Variants in SF3A1 observed in about 807,000 individuals in gnomAD.
SF3A1 encodes SAP 114.
In SF3A1, 13 loss-of-function variants were observed where a neutral mutation model predicts 89.9. The observed-to-expected ratio is 0.14, with a 90% confidence interval of 0.09 to 0.23. The LOEUF (loss-of-function observed/expected upper bound fraction) is 0.23, where lower values mean the gene tolerates loss of function less well. Ranked by LOEUF, SF3A1 falls within the 10% of genes least tolerant of loss-of-function variation. The pLI is 1.00. For synonymous variants in SF3A1, 405 were observed against 374.4 expected (o/e 1.08, Z -0.94); for missense variants, 604 against 1,022.1 (o/e 0.59, Z 5.58).
intron 2 of SF3A1, among the ~76,000 whole-genome samples, chr22:30,347,020 T>C (rs1177289815): frequency 6.6e-6 from 1 of 152,166 alleles, no homozygotes; most frequent in Non-Finnish European, 1.5e-5. Flanking sequence ...GTGTAAAAGG[T>C]ACATGAGCAC....
intron 1 of SF3A1, among the ~76,000 whole-genome samples, chr22:30,354,189 T>C (rs1931688948): frequency 6.6e-6 from 1 of 152,132 alleles, no homozygotes; most frequent in Non-Finnish European, 1.5e-5. Context: ...AGAAACGAAG[T>C]TTCTCCTCTG....
In SF3A1 at chr22:30,335,667, G is replaced by A; in HGVS notation, c.2193C>T (p.Leu731=). 6.2e-7 allele frequency: 1 copy of A among 1,614,202 alleles called. No homozygotes were observed. Among genetic ancestry groups the A allele is most frequent in the Non-Finnish European group, 8.5e-7 (1 of 1,180,010 alleles). The change falls in exon 14 of 16, where the codon CTC becomes CTT. Residue 731 remains leucine, a synonymous_variant. Transcript: ENST00000215793. ...GTACCCATACCTGGTCCGTGAGTGGGAGGGTGAAGACCAGCACCTGCCCAT... is the reference window on the plus strand; with the variant it reads ...GTACCCATACCTGGTCCGTGAGTGGAAGGGTGAAGACCAGCACCTGCCCAT... ...KLNGQVLVFT[L]PLTDQVSVIK...
At chr22:30,336,525 C>T (rs1454208179) in intron 13 of SF3A1, among the ~76,000 whole-genome samples, 1 of 152,144 alleles carries the variant, frequency 6.6e-6, no homozygotes, top group African/African-American at 2.4e-5. Context: ...GGGGCTGTTT[C>T]TGTCTCCTTA....
intron 1 of SF3A1, among the ~76,000 whole-genome samples, chr22:30,354,721 T>C (rs906362508): frequency 6.6e-6 from 1 of 152,166 alleles, no homozygotes; most frequent in East Asian, 1.9e-4. Flanking sequence ...TGCCAGAAAG[T>C]TGGGGGCTCC....
Position 30,337,777 on chromosome 22 carries a change from G to T in SF3A1, c.1864C>A (p.His622Asn). The change falls in exon 12 of 16, where the codon CAC becomes AAC. Residue 622 changes from histidine (H) to asparagine (N), a missense_variant. Physicochemically the swap from His to Asn is moderately conservative, Grantham distance 68. Coordinates refer to ENST00000215793, the MANE Select transcript of SF3A1 (RefSeq NM_005877.6). Reference sequence around the variant, plus strand: ...GGCACCACGTTGATTCTGGGCGCGTGGATGATGGGCGGCATGGGGGCGATC... The same window carrying T: ...GGCACCACGTTGATTCTGGGCGCGTTGATGATGGGCGGCATGGGGGCGATC... ...SVIAPMPPII[H>N]APRINVVPMP... 1 of 1,595,944 alleles carries T rather than the reference G, an allele frequency of 6.3e-7. No homozygotes were observed. Among genetic ancestry groups the T allele is most frequent in the Non-Finnish European group, 8.5e-7 (1 of 1,172,790 alleles).
intron 2 of SF3A1, among the ~76,000 whole-genome samples, chr22:30,350,099 A>G (rs1245900606): frequency 2.0e-5 from 3 of 152,086 alleles, no homozygotes; most frequent in Non-Finnish European, 4.4e-5. Flanking sequence ...TCTTCTAAGG[A>G]AACGATCTAA....
intron 13 of SF3A1, among the ~76,000 whole-genome samples, chr22:30,336,395 C>A (rs1311120116): frequency 6.6e-6 from 1 of 152,110 alleles, no homozygotes; most frequent in Non-Finnish European, 1.5e-5. Flanking sequence ...GTGTGTGGTG[C>A]ACACCTGTAA....
In SF3A1 at chr22:30,341,752, C is replaced by T; in HGVS notation, c.1011G>A (p.Glu337=). Residue 337 remains glutamate, a synonymous_variant, in exon 7 of 16, where the codon GAG becomes GAA. Transcript: ENST00000215793. ...GCTGGGAAGGAGGCTCCTCCGCCTT[C>T]TCCTGTTTGTCATCCTCCTCATCAG... ...VESDEEDDKQ[E]KAEEPPSQLD... The T allele has an allele frequency of 1.2e-6, 2 of 1,614,164 alleles. No individual in the cohort carries two copies. Among genetic ancestry groups the T allele is most frequent in the Non-Finnish European group, 1.7e-6 (2 of 1,180,030 alleles).
intron 1 of SF3A1, among the ~76,000 whole-genome samples, chr22:30,355,428 C>T (rs367677616): frequency 6.6e-6 from 1 of 152,224 alleles, no homozygotes; most frequent in African/African-American, 2.4e-5. Context: ...CTGCCTACCC[C>T]CTCTGCCCTA....
At chr22:30,340,999 A>C (rs1931233602) in intron 7 of SF3A1, among the ~76,000 whole-genome samples, 187 bp from the exon 8 acceptor site, 1 of 150,856 alleles carries the variant, frequency 6.6e-6, no homozygotes, top group Admixed American at 6.6e-5. Context: ...CATGAATGGG[A>C]GTGCTGAGGC....
chr22:30,343,981 G>A (rs1350463070), intron 4 of SF3A1, among the ~76,000 whole-genome samples: 1 of 152,210 alleles, frequency 6.6e-6, no homozygotes, highest in Admixed American at 6.5e-5. Context: ...ACTGTAAAGG[G>A]AAGGAAAACA....
At chr22:30,342,711 G>A (rs750149243) in intron 5 of SF3A1, 94 bp downstream of exon 5, 172 of 856,706 alleles carry the variant, frequency 2.0e-4, no homozygotes, top group Admixed American at 1.3e-3. Flanking sequence ...TCCCATGACT[G>A]GAACATAACA....
chr22:30,342,964 C>T, intron 4 of SF3A1, 85 bp from the exon 5 acceptor site: 4 of 835,614 alleles, frequency 4.8e-6, no homozygotes, highest in Non-Finnish European at 8.0e-6. Context: ...TGATAAAGCA[C>T]AGGAGATGAG....
rs780794251 is a variant in SF3A1, at chr22:30,340,398, G to A, written c.1190-17C>T. The A allele has an allele frequency of 1.4e-5, 23 of 1,610,416 alleles. No homozygotes were observed. The highest frequency in any genetic ancestry group is 1.9e-5 in the Non-Finnish European group (22 of 1,178,956). On this transcript the variant is annotated splice_polypyrimidine_tract_variant and intron_variant, in intron 8 of 15. Transcript: ENST00000215793. Reference sequence around the variant, plus strand: ...GCTTGGAGGCTAAAAGGAAACAGATGTTTCAGTAAGAACACTGGTGGGCAG... The same window carrying A: ...GCTTGGAGGCTAAAAGGAAACAGATATTTCAGTAAGAACACTGGTGGGCAG...
Position 30,337,704 on chromosome 22 carries a change from ATGGGGGG to A in SF3A1, c.1930_1936del (p.Pro644Ter). The A allele has an allele frequency of 2.3e-6, 1 of 434,402 alleles. No individual in the cohort carries two copies. Among genetic ancestry groups the A allele is most frequent in the Non-Finnish European group, 4.0e-6 (1 of 249,310 alleles). The allele number at this position is 434,402 out of a possible 1,614,324, so 26.9% of individuals were successfully genotyped here. A position where few individuals can be genotyped will look rare whatever the true frequency, so the allele number is the denominator to read the frequency against. The stretch of plus-strand genomic sequence containing the variant: ...GAGATACTGACCTGTTGGCACAATC[ATGGGGGG>A]TGGGCGGGGGGCCATAATAGGAGGG... On this transcript the variant is annotated frameshift_variant, in exon 12 of 16. Transcript: ENST00000215793. LOFTEE classifies it high-confidence loss of function.
chr22:30,341,097 G>A (rs1797557288), intron 7 of SF3A1, among the ~76,000 whole-genome samples: 2 of 141,924 alleles, frequency 1.4e-5, no homozygotes, highest in African/African-American at 5.1e-5. Flanking sequence ...GCCGGGGGGG[G>A]ACAGTGCCAA....
Position 30,346,405 on chromosome 22 carries a change from C to T in SF3A1, c.300G>A (p.Glu100=), listed in dbSNP as rs973716492. The change falls in exon 3 of 16, where the codon GAG becomes GAA. Residue 100 remains glutamate, a synonymous_variant. Coordinates refer to ENST00000215793, the MANE Select transcript of SF3A1 (RefSeq NM_005877.6). ...YHAYYRHKVS[E]FKEGKAQEPS... Reference sequence around the variant, plus strand: ...GCTCCTGAGCCTTCCCTTCCTTGAACTCGCTGACCTTGTGGCGGTAGTAGG... The same window carrying T: ...GCTCCTGAGCCTTCCCTTCCTTGAATTCGCTGACCTTGTGGCGGTAGTAGG... The T allele has an allele frequency of 2.5e-6, 4 of 1,614,108 alleles. No individual in the cohort carries two copies. Among genetic ancestry groups the T allele is most frequent in the African/African-American group, 1.3e-5 (1 of 75,008 alleles).
chr22:30,337,263 T>G, intron 12 of SF3A1, 83 bp from the exon 13 acceptor site: 2 of 1,293,820 alleles, frequency 1.5e-6, no homozygotes, highest in Non-Finnish European at 2.1e-6. Context: ...AGAGGGAAGG[T>G]TGCAAAGGTT....
chr22:30,352,012 C>T (rs1047686111), intron 2 of SF3A1, among the ~76,000 whole-genome samples: 6 of 152,058 alleles, frequency 3.9e-5, no homozygotes, highest in Non-Finnish European at 5.9e-5. Context: ...AGGGGGAACT[C>T]GGAGCAATTC....
Sources: gnomAD v4.1 joint callset for allele counts (sites outside exome capture counted in the v4.1 genomes callset) on GRCh38, gnomAD v4.1.1 for gene constraint, MANE v1.5 for transcripts, NCBI Gene and HGNC (gene_info 2026-07-23, HGNC 2026-07-21) for gene names.